KCNH5: variants seen among roughly 807,000 people sequenced by gnomAD.
KCNH5 encodes potassium voltage-gated channel subfamily H member 5, also known as voltage-gated delayed rectifier potassium channel KCNH5.
KCNH5 carries 46 observed loss-of-function variants against 96.1 expected under a neutral mutation model. The observed-to-expected ratio is 0.48, with a 90% CI of 0.38 to 0.61. KCNH5 has a LOEUF of 0.61. Ranked by LOEUF, KCNH5 falls within the 20% of genes least tolerant of loss-of-function variation. KCNH5 has a pLI of 0.00. For synonymous variants in KCNH5, 439 were observed against 449.8 expected, an observed-to-expected ratio of 0.98 and a Z score of 0.30; for missense variants, 907 against 1,225.8, an observed-to-expected ratio of 0.74 and a Z score of 3.88.
intron 10 of KCNH5, among the ~76,000 whole-genome samples, chr14:62,739,432 T>C (rs1885225508): frequency 6.6e-6 from 1 of 151,328 alleles, no homozygotes; most frequent in African/African-American, 2.5e-5. Context: ...GACTACGCTA[T>C]TTATGCGAGA....
At chr14:62,799,054 T>G (rs1886595394) in intron 9 of KCNH5, among the ~76,000 whole-genome samples, 1 of 152,074 alleles carries the variant, frequency 6.6e-6, no homozygotes, top group African/African-American at 2.4e-5. Flanking sequence ...CTTGCAAGAT[T>G]AAAAGCAAAG....
At chr14:62,824,983 T>C (rs1233899675) in intron 8 of KCNH5, among the ~76,000 whole-genome samples, 1 of 152,108 alleles carries the variant, frequency 6.6e-6, no homozygotes, top group Admixed American at 6.6e-5. Context: ...GGTGTATATG[T>C]ATCACATTTT....
chr14:62,995,621 T>C (rs1039003669), intron 4 of KCNH5, among the ~76,000 whole-genome samples: 4 of 152,150 alleles, frequency 2.6e-5, no homozygotes, highest in Admixed American at 2.6e-4. Flanking sequence ...AATGGACCTT[T>C]GTGCAGCTCA....
At chr14:62,863,856 T>G (rs1888083205) in intron 7 of KCNH5, among the ~76,000 whole-genome samples, 1 of 152,108 alleles carries the variant, frequency 6.6e-6, no homozygotes, top group South Asian at 2.1e-4. Flanking sequence ...GTCTAAAAAT[T>G]TACTTAATTT....
intron 10 of KCNH5, among the ~76,000 whole-genome samples, chr14:62,770,540 T>C (rs1382433387): frequency 6.6e-6 from 1 of 152,168 alleles, no homozygotes; most frequent in African/African-American, 2.4e-5. Flanking sequence ...GGACAGTGGC[T>C]TTTTAGGGTT....
At position 62,995,042 on chromosome 14, in the gene KCNH5, C is replaced by T. The variant is rs181665957; in HGVS notation, c.433+6289G>A. 1.6e-3 allele frequency among the ~76,000 whole-genome samples: 245 copies of T among 152,116 alleles called. 1 individual carries two copies. Among genetic ancestry groups the T allele is most frequent in the Non-Finnish European group, 1.8e-3 (119 of 67,964 alleles). ...ATAGATTGATTACAAGGAAGAGGTA[C>T]GTTCAAATTAGTTGGCTGCCATCAC... On this transcript the variant is annotated intron_variant, in intron 4 of 10. Coordinates refer to ENST00000322893, the MANE Select transcript of KCNH5 (RefSeq NM_139318.5).
At chr14:62,973,781 T>C (rs866650689) in intron 6 of KCNH5, among the ~76,000 whole-genome samples, 4 of 152,198 alleles carry the variant, frequency 2.6e-5, no homozygotes, top group South Asian at 2.1e-4. Flanking sequence ...AGTATTATTT[T>C]AAATTATCTA....
At chr14:62,894,932 G>C (rs1888781289) in intron 7 of KCNH5, among the ~76,000 whole-genome samples, 1 of 152,154 alleles carries the variant, frequency 6.6e-6, no homozygotes, top group Non-Finnish European at 1.5e-5. Flanking sequence ...GGAATCTATA[G>C]ATAACGAATC....
At chr14:63,019,307 T>G (rs574932024) in intron 1 of KCNH5, among the ~76,000 whole-genome samples, 1 of 151,982 alleles carries the variant, frequency 6.6e-6, no homozygotes, top group Non-Finnish European at 1.5e-5. Context: ...ACAATCACAA[T>G]GAAAATGACA....
intron 8 of KCNH5, among the ~76,000 whole-genome samples, chr14:62,848,403 G>A (rs1887740110): frequency 4.6e-5 from 7 of 151,958 alleles, no homozygotes; most frequent in African/African-American, 1.5e-4. Flanking sequence ...GTTTTCATGC[G>A]TACTACTTCA....
intron 6 of KCNH5, among the ~76,000 whole-genome samples, chr14:62,962,240 T>G (rs1376642845): frequency 3.3e-5 from 5 of 152,156 alleles, no homozygotes; most frequent in Non-Finnish European, 7.4e-5. Flanking sequence ...GTTTCAGCCC[T>G]TTGACCAGGA....
intron 10 of KCNH5, among the ~76,000 whole-genome samples, chr14:62,770,760 A>T (rs559390842): frequency 6.6e-6 from 1 of 152,332 alleles, no homozygotes; most frequent in East Asian, 1.9e-4. Context: ...GCTGCTGCAC[A>T]TCCATCCCCA....
intron 8 of KCNH5, among the ~76,000 whole-genome samples, chr14:62,808,568 G>C (rs1045020530): frequency 6.6e-6 from 1 of 152,040 alleles, no homozygotes; most frequent in African/African-American, 2.4e-5. Context: ...TTATTATAAA[G>C]GTGAAGTTTG....
chr14:62,731,339 A>T (rs949433109), intron 10 of KCNH5, among the ~76,000 whole-genome samples: 59 of 151,734 alleles, frequency 3.9e-4, no homozygotes, highest in African/African-American at 1.1e-3. Flanking sequence ...ATAAATAAAT[A>T]AAATTAAATT....
At chr14:62,985,070 G>T (rs1436381091) in intron 5 of KCNH5, among the ~76,000 whole-genome samples, 2 of 152,184 alleles carry the variant, frequency 1.3e-5, no homozygotes, top group East Asian at 1.9e-4. Context: ...AAAGAAACAG[G>T]CAACTTTAGG....
intron 9 of KCNH5, among the ~76,000 whole-genome samples, chr14:62,800,033 A>T (rs935056756): frequency 6.6e-6 from 1 of 151,450 alleles, no homozygotes; most frequent in Non-Finnish European, 1.5e-5. Context: ...AGGTGCTGGT[A>T]AGTTACTATT....
At chr14:62,734,285 C>A (rs1885111248) in intron 10 of KCNH5, among the ~76,000 whole-genome samples, 1 of 152,116 alleles carries the variant, frequency 6.6e-6, no homozygotes, top group Non-Finnish European at 1.5e-5. Flanking sequence ...TAAACCCCTT[C>A]AATGGCTCTA....
intron 10 of KCNH5, 58 bp from the exon 11 acceptor site, chr14:62,708,513 G>A: frequency 3.8e-6 from 4 of 1,061,572 alleles, no homozygotes; most frequent in Non-Finnish European, 5.5e-6. Context: ...ATTAACAGTT[G>A]TATAATACTA....
intron 10 of KCNH5, among the ~76,000 whole-genome samples, chr14:62,726,431 AATTGTTACAAATT>A (rs1884926986): frequency 6.6e-6 from 1 of 152,202 alleles, no homozygotes; most frequent in East Asian, 1.9e-4. Context: ...ATCTATAAAA[AATTGTTACAAATT>A]ATTAAGAACA....
Sources: allele counts gnomAD v4.1 joint callset (sites outside exome capture counted in the v4.1 genomes callset), GRCh38; gene constraint gnomAD v4.1.1; transcripts MANE v1.5; gene names NCBI Gene and HGNC (gene_info 2026-07-23, HGNC 2026-07-21).